The following GRIK3 variants were observed in gnomAD, a reference collection of about 807,000 sequenced individuals.
The protein encoded by GRIK3 is glutamate ionotropic receptor kainate type subunit 3.
In GRIK3, 29 loss-of-function variants were observed where a neutral mutation model predicts 102.5. The observed-to-expected ratio is 0.28, with a 90% CI of 0.21 to 0.39. The LOEUF (loss-of-function observed/expected upper bound fraction) is 0.39. Among genes scored for constraint, GRIK3 ranks in the 10% least tolerant of loss-of-function variants. GRIK3 has a pLI of 1.00. For missense variants in GRIK3, 908 were observed against 1,252.4 expected (o/e 0.73, Z 4.15); for synonymous variants, 511 against 504.9 (o/e 1.01, Z -0.16).
intron 7 of GRIK3, among the ~76,000 whole-genome samples, 158 bp downstream of exon 7, chr1:36,858,950 C>A (rs1433405493): frequency 6.6e-6 from 1 of 152,192 alleles, no homozygotes; most frequent in Admixed American, 6.5e-5. Context: ...CTATGGAGCC[C>A]ATTTTCACAC....
intron 1 of GRIK3, among the ~76,000 whole-genome samples, chr1:36,946,721 G>A (rs369443737): frequency 6.6e-6 from 1 of 152,164 alleles, no homozygotes; most frequent in East Asian, 1.9e-4. Flanking sequence ...CACAGATGAG[G>A]GATCGGAGGC....
intron 9 of GRIK3, among the ~76,000 whole-genome samples, chr1:36,846,987 A>T (rs1305258698): frequency 6.6e-6 from 1 of 152,240 alleles, no homozygotes; most frequent in African/African-American, 2.4e-5. Flanking sequence ...GCCTCCAGGA[A>T]ACAGTAGGCT....
At chr1:37,003,901 T>C (rs763562469) in intron 1 of GRIK3, among the ~76,000 whole-genome samples, 4 of 152,124 alleles carry the variant, frequency 2.6e-5, no homozygotes, top group Admixed American at 1.3e-4. Context: ...ACTCTTCTGC[T>C]GGATGCTGCC....
intron 1 of GRIK3, among the ~76,000 whole-genome samples, chr1:36,989,274 C>G (rs1449906241): frequency 2.6e-5 from 4 of 152,184 alleles, no homozygotes; most frequent in Admixed American, 2.6e-4. Context: ...AATATTCCAG[C>G]ACGTAAAGGC....
At chr1:37,028,785 T>A (rs569586389) in intron 1 of GRIK3, among the ~76,000 whole-genome samples, 1 of 152,324 alleles carries the variant, frequency 6.6e-6, no homozygotes, top group African/African-American at 2.4e-5. Context: ...GGCTGTGCGA[T>A]CTTGGGCAAG....
chr1:36,868,730 T>G (rs796944735), intron 5 of GRIK3, among the ~76,000 whole-genome samples: 6 of 152,344 alleles, frequency 3.9e-5, no homozygotes, highest in African/African-American at 1.4e-4. Context: ...CTGCATACAA[T>G]GTCCTTCCTC....
chr1:36,996,956 G>A (rs974164433), intron 1 of GRIK3, among the ~76,000 whole-genome samples: 1 of 152,214 alleles, frequency 6.6e-6, no homozygotes, highest in Non-Finnish European at 1.5e-5. Flanking sequence ...CAGGGATGCT[G>A]CGAAGCATTC....
At position 36,850,783 on chromosome 1, in the gene GRIK3, G is replaced by GTCTA. The variant is rs1305731471; in HGVS notation, c.1213-363_1213-360dup. ...AATCAGGGGCTGGAGGGAATCAGGG[G>GTCTA]TCTATGGTCAGTGCCAGGTCTTGCC... On this transcript the variant is annotated intron_variant, in intron 8 of 15. Transcript: ENST00000373091. The surrounding 1 kb of genome is among the most constrained non-coding windows in gnomAD (Gnocchi z 4.0). Among the ~76,000 whole-genome samples, 2 of 152,222 alleles carry GTCTA rather than the reference G, an allele frequency of 1.3e-5. No individual in the cohort carries two copies. Among genetic ancestry groups the GTCTA allele is most frequent in the Non-Finnish European group, 2.9e-5 (2 of 68,032 alleles).
intron 10 of GRIK3, among the ~76,000 whole-genome samples, chr1:36,837,811 G>A (rs1640398631): frequency 6.6e-6 from 1 of 152,216 alleles, no homozygotes; most frequent in African/African-American, 2.4e-5. Context: ...CCAGGACACA[G>A]AAGCTCTGGA....
At chr1:36,849,556 C>T (rs1403969769) in intron 9 of GRIK3, 3 of 152,308 alleles carry the variant, frequency 2.0e-5, no homozygotes, top group Non-Finnish European at 4.4e-5. Flanking sequence ...CGGCTTGAGC[C>T]CCCAAAAGCA....
At chr1:36,816,146 T>C (rs1163987799) in intron 13 of GRIK3, among the ~76,000 whole-genome samples, 1 of 152,210 alleles carries the variant, frequency 6.6e-6, no homozygotes, top group Admixed American at 6.5e-5. Flanking sequence ...AAGGTAGGCC[T>C]GGGTCGCACC....
intron 1 of GRIK3, among the ~76,000 whole-genome samples, chr1:36,903,731 A>G (rs1641255680): frequency 6.6e-6 from 1 of 152,244 alleles, no homozygotes; most frequent in Non-Finnish European, 1.5e-5. Flanking sequence ...GCTACAGACT[A>G]TATGATTTCA....
intron 1 of GRIK3, among the ~76,000 whole-genome samples, chr1:36,962,945 G>GGA (rs1642031751): frequency 6.6e-6 from 1 of 151,682 alleles, no homozygotes; most frequent in Non-Finnish European, 1.5e-5. Flanking sequence ...GACATGATGA[G>GGA]GAGAGAGATG....
intron 13 of GRIK3, 48 bp downstream of exon 13, chr1:36,817,012 C>T (rs368138462): frequency 2.9e-5 from 39 of 1,333,430 alleles, no homozygotes; most frequent in African/African-American, 2.3e-4. Flanking sequence ...GTAAAGGGTC[C>T]GGAGAGGATC....
rs1017901227 is a variant in GRIK3, at chr1:36,825,887, A to G, written c.1531-61T>C. On this transcript the variant is annotated intron_variant, in intron 10 of 15. Coordinates refer to ENST00000373091, the MANE Select transcript of GRIK3 (RefSeq NM_000831.4). ...GCAAAGTCTCAGAATAGCGGGAGAC[A>G]GAACACCATTGCTGGAGGAGAGATG... 3.5e-5 allele frequency: 42 copies of G among 1,192,124 alleles called. No individual in the cohort carries two copies. The African/African-American group carries it at 5.9e-4, about 17-fold the overall frequency. The allele number at this position is 1,192,124 out of a possible 1,614,324, so 73.8% of individuals were successfully genotyped here.
chr1:36,968,662 G>A (rs1642106182), intron 1 of GRIK3, among the ~76,000 whole-genome samples: 1 of 152,168 alleles, frequency 6.6e-6, no homozygotes, highest in Admixed American at 6.5e-5. Flanking sequence ...TTTACAATCT[G>A]GAGCCTCCAC....
chr1:36,863,564 C>T (rs1640750685), intron 5 of GRIK3, among the ~76,000 whole-genome samples: 1 of 152,142 alleles, frequency 6.6e-6, no homozygotes, highest in Admixed American at 6.6e-5. Context: ...TGCTTCTCGT[C>T]CCTCTGTTCA....
At chr1:36,900,934 C>T (rs998238119) in intron 1 of GRIK3, among the ~76,000 whole-genome samples, 1 of 152,064 alleles carries the variant, frequency 6.6e-6, no homozygotes. Context: ...TCTATGTCCA[C>T]TAATTTGCTA....
intron 1 of GRIK3, among the ~76,000 whole-genome samples, chr1:36,932,961 A>T (rs183459316): frequency 1.5e-4 from 23 of 152,342 alleles, no homozygotes; most frequent in African/African-American, 5.3e-4. Context: ...TAACGCTAAT[A>T]ACCAAAACAT....
Sources: gnomAD v4.1 joint callset for allele counts (sites outside exome capture counted in the v4.1 genomes callset) on GRCh38, gnomAD v4.1.1 for gene constraint, Gnocchi (gnomAD v3.1) non-coding constraint, MANE v1.5 for transcripts, NCBI Gene and HGNC (gene_info 2026-07-23, HGNC 2026-07-21) for gene names.